TAFA2: variants seen among roughly 807,000 people sequenced by gnomAD.
TAFA2 encodes TAFA chemokine like family member 2.
A neutral mutation model predicts 18.8 loss-of-function variants in TAFA2; 7 were observed. That is an observed-to-expected ratio of 0.37 (90% CI 0.21 to 0.70). The LOEUF is 0.70. Ranked by LOEUF, TAFA2 falls within the 30% of genes least tolerant of loss-of-function variation. TAFA2 has a pLI of 0.53. For synonymous variants in TAFA2, 60 were observed against 54.2 expected, an observed-to-expected ratio of 1.11 and a Z score of -0.47; for missense variants, 122 against 158.1, an observed-to-expected ratio of 0.77 and a Z score of 1.23.
rs1869337432 is a variant in TAFA2 at position 61,710,340 on chromosome 12, T to C, written c.*66A>G. 2 of 1,479,990 alleles carry C rather than the reference T, an allele frequency of 1.4e-6. No homozygotes were observed. The highest frequency in any genetic ancestry group is 1.7e-4 in the Middle Eastern group (1 of 5,778). 91.7% of individuals were successfully genotyped at this position (1,479,990 alleles called of 1,614,324 possible). A position where few individuals can be genotyped will look rare whatever the true frequency, so the allele number is the denominator to read the frequency against. On this transcript the variant is annotated 3_prime_UTR_variant, in exon 5 of 5. Transcript: ENST00000416284. Reference sequence around the variant, plus strand: ...AAAATCTTCAAGATCACCTCAGGAGTTGAGTTAAGTTTCTATGCGCATGTT... The same window carrying C: ...AAAATCTTCAAGATCACCTCAGGAGCTGAGTTAAGTTTCTATGCGCATGTT...
At chr12:62,027,827 T>A (rs967977829) in intron 1 of TAFA2, among the ~76,000 whole-genome samples, 2 of 152,198 alleles carry the variant, frequency 1.3e-5, no homozygotes, top group Non-Finnish European at 2.9e-5. Context: ...TATCCAGGTA[T>A]CTGCCTGTAA....
chr12:61,733,413 G>A (rs1477217631), intron 4 of TAFA2, among the ~76,000 whole-genome samples: 13 of 151,894 alleles, frequency 8.6e-5, no homozygotes, highest in Non-Finnish European at 1.6e-4. Flanking sequence ...TAGGTCTAAC[G>A]TTTAAGTCTT....
intron 2 of TAFA2, among the ~76,000 whole-genome samples, chr12:61,848,918 T>C (rs1413250285): frequency 6.6e-6 from 1 of 151,662 alleles, no homozygotes; most frequent in African/African-American, 2.4e-5. Context: ...CTCAGCTCAC[T>C]GCAACCTCCA....
intron 1 of TAFA2, among the ~76,000 whole-genome samples, chr12:62,181,430 G>T (rs965544667): frequency 6.6e-5 from 10 of 152,158 alleles, no homozygotes; most frequent in Non-Finnish European, 1.0e-4. Flanking sequence ...GGAATGAATT[G>T]ATATCATTCC....
intron 4 of TAFA2, among the ~76,000 whole-genome samples, chr12:61,741,090 T>A (rs949654101): frequency 6.6e-5 from 10 of 152,220 alleles, no homozygotes; most frequent in South Asian, 4.1e-4. Flanking sequence ...TACTTCAAAA[T>A]TTTTAAAGTG....
intron 1 of TAFA2, among the ~76,000 whole-genome samples, chr12:61,885,721 A>T (rs573580698): frequency 1.5e-4 from 23 of 152,316 alleles, no homozygotes; most frequent in African/African-American, 4.8e-4. Flanking sequence ...CCCAATGGTA[A>T]ACAGAAATAA....
Position 61,879,790 on chromosome 12 carries a change from G to T in TAFA2, c.-1-12364C>A, listed in dbSNP as rs777750565. On this transcript the variant is annotated intron_variant, in intron 1 of 4. Coordinates refer to ENST00000416284, the MANE Select transcript of TAFA2 (RefSeq NM_178539.5). ...GGTGGCAGCTGGAGACTCTGGGCCA[G>T]GAGAAGCTGAAGCTGGAGGCAGAGC... 21 of 1,477,436 alleles carry T rather than the reference G, an allele frequency of 1.4e-5. No homozygotes were observed. In the Admixed American group the frequency reaches 2.8e-4, roughly 20 times the overall value. The allele number at this position is 1,477,436 out of a possible 1,614,324, so 91.5% of individuals were successfully genotyped here.
At chr12:62,219,878 A>G (rs1416082953) in intron 1 of TAFA2, among the ~76,000 whole-genome samples, 1 of 152,194 alleles carries the variant, frequency 6.6e-6, no homozygotes, top group Non-Finnish European at 1.5e-5. Flanking sequence ...AATACTCAAC[A>G]AGCTAAGCTG....
chr12:61,973,053 A>T (rs1879304845), intron 1 of TAFA2, among the ~76,000 whole-genome samples: 1 of 151,726 alleles, frequency 6.6e-6, no homozygotes, highest in Non-Finnish European at 1.5e-5. Context: ...TGAATTATAC[A>T]AAAGAACAGT....
At chr12:62,001,233 T>C (rs1353612430) in intron 1 of TAFA2, among the ~76,000 whole-genome samples, 1 of 152,116 alleles carries the variant, frequency 6.6e-6, no homozygotes, top group Non-Finnish European at 1.5e-5. Context: ...ACACAATATA[T>C]AGCAGCAGTC....
At chr12:62,010,642 G>A (rs12823651) in intron 1 of TAFA2, among the ~76,000 whole-genome samples, 60,206 of 149,486 alleles carry the variant, frequency 0.4, 12,168 homozygotes, top group Non-Finnish European at 0.45. Context: ...GAGCGCCTCT[G>A]CCCGGCCGCC....
intron 1 of TAFA2, among the ~76,000 whole-genome samples, chr12:61,932,062 TA>T (rs1438489906): frequency 8.5e-5 from 13 of 152,346 alleles, no homozygotes; most frequent in African/African-American, 2.9e-4. Context: ...AATTAAATTT[TA>T]TATCAGAAAA....
chr12:61,815,711 A>AT (rs1872055765), intron 2 of TAFA2, among the ~76,000 whole-genome samples: 1 of 151,246 alleles, frequency 6.6e-6, no homozygotes, highest in Non-Finnish European at 1.5e-5. Context: ...GGGGCTCAAT[A>AT]TAAAGGTAAG....
intron 1 of TAFA2, among the ~76,000 whole-genome samples, chr12:61,884,066 T>C (rs1477070087): frequency 6.6e-6 from 1 of 152,052 alleles, no homozygotes; most frequent in East Asian, 1.9e-4. Context: ...TAGAGAGATA[T>C]GAAGAAAGTA....
intron 1 of TAFA2, among the ~76,000 whole-genome samples, chr12:62,062,763 T>G (rs1882384827): frequency 6.6e-6 from 1 of 152,216 alleles, no homozygotes; most frequent in South Asian, 2.1e-4. Flanking sequence ...ATTTCTTGCT[T>G]ATTTATGTTG....
chr12:61,736,559 C>T (rs7486131), intron 4 of TAFA2, among the ~76,000 whole-genome samples: 5,555 of 152,046 alleles, frequency 0.037, 321 homozygotes, highest in African/African-American at 0.12. Flanking sequence ...AACTTGCTTT[C>T]ATCTAATACT....
In TAFA2 at chr12:61,786,748, T is replaced by C. The variant is rs74095451; in HGVS notation, c.107-31724A>G. 4.3e-3 allele frequency among the ~76,000 whole-genome samples: 645 copies of C among 151,660 alleles called. 7 individuals carry two copies. Among genetic ancestry groups the C allele is most frequent in the African/African-American group, 0.015 (632 of 41,462 alleles). On this transcript the variant is annotated intron_variant, in intron 2 of 4. Transcript: ENST00000416284. The stretch of plus-strand genomic sequence containing the variant: ...CCAATGTATTGGAGAAAAGGAAGTA[T>C]ACTATTATAAGGTTTTAATACTATA...
At chr12:61,831,663 C>G (rs1358851942) in intron 2 of TAFA2, among the ~76,000 whole-genome samples, 2 of 152,068 alleles carry the variant, frequency 1.3e-5, no homozygotes, top group African/African-American at 4.8e-5. Flanking sequence ...CACTAAAACT[C>G]TTCGATTAAA....
At chr12:61,778,759 T>C (rs1464930656) in intron 2 of TAFA2, among the ~76,000 whole-genome samples, 1 of 151,952 alleles carries the variant, frequency 6.6e-6, no homozygotes, top group African/African-American at 2.4e-5. Context: ...ATGTAATTCC[T>C]ATAAACTTCT....
Sources: gnomAD v4.1 joint callset for allele counts (sites outside exome capture counted in the v4.1 genomes callset) on GRCh38, gnomAD v4.1.1 for gene constraint, MANE v1.5 for transcripts, NCBI Gene and HGNC (gene_info 2026-07-23, HGNC 2026-07-21) for gene names.